The following UBE2U variants were observed in gnomAD, a reference collection of about 807,000 sequenced individuals.
UBE2U encodes ubiquitin conjugating enzyme E2 U, also known as ubiquitin-conjugating enzyme E2 U.
UBE2U carries 39 observed loss-of-function variants against 41.2 expected under a neutral mutation model. The ratio of observed to expected loss-of-function variants is 0.95; its 90% CI spans 0.73 to 1.24. UBE2U has a LOEUF of 1.24. UBE2U is among the 50% of genes most tolerant of loss of function. The probability of loss-of-function intolerance (pLI) is 0.00; values close to 1 mark genes in which losing one functional copy is unlikely to be tolerated. For missense variants in UBE2U, 336 were observed against 363.1 expected (o/e 0.93, Z 0.61); for synonymous variants, 107 against 117.8 (o/e 0.91, Z 0.60).
chr1:64,252,979 C>A (rs1489363553), intron 8 of UBE2U, among the ~76,000 whole-genome samples: 1 of 152,286 alleles, frequency 6.6e-6, no homozygotes, highest in Admixed American at 6.5e-5. Flanking sequence ...GCTAAAGGAA[C>A]AGGTTGTAAA....
intron 8 of UBE2U, among the ~76,000 whole-genome samples, chr1:64,253,092 CACA>C (rs146989756): frequency 0.047 from 7,115 of 152,184 alleles, 522 homozygotes; most frequent in African/African-American, 0.16. Flanking sequence ...AGCTGAAAAA[CACA>C]ACTTTAGAAC....
At chr1:64,249,111 G>A (rs916670111) in intron 8 of UBE2U, among the ~76,000 whole-genome samples, 1 of 151,754 alleles carries the variant, frequency 6.6e-6, no homozygotes, top group African/African-American at 2.4e-5. Context: ...GGTGGCTCAC[G>A]CCTGTTAGTT....
At chr1:64,234,651 A>G (rs1356414081) in intron 7 of UBE2U, among the ~76,000 whole-genome samples, 1 of 152,188 alleles carries the variant, frequency 6.6e-6, no homozygotes, top group African/African-American at 2.4e-5. Flanking sequence ...CCTCACTCAT[A>G]GGTCAAAACA....
rs776817467 is a variant in UBE2U, at chr1:64,205,762, T to C, written c.148+42T>C. ...CCAATCTATTTTTTAAAAAAGTCTT[T>C]ATACCATTATTAGCCCATCCTCTTT... is the stretch of plus-strand genomic sequence containing the variant. On this transcript the variant is annotated intron_variant, in intron 2 of 9. Coordinates refer to ENST00000371077, the MANE Select transcript of UBE2U (RefSeq NM_001366232.2). 5.3e-6 allele frequency: 8 copies of C among 1,514,002 alleles called. No individual in the cohort carries two copies. The African/African-American group carries it at 5.5e-5, about 10-fold the overall frequency. 93.8% of individuals were successfully genotyped at this position (1,514,002 alleles called of 1,614,324 possible).
chr1:64,203,735 C>A lies in UBE2U; in HGVS notation c.-316C>A. 1 of 267,216 alleles carries A rather than the reference C, an allele frequency of 3.7e-6. No individual in the cohort carries two copies. Among genetic ancestry groups the A allele is most frequent in the Admixed American group, 5.3e-5 (1 of 18,856 alleles). The allele number at this position is 267,216 out of a possible 1,614,324, so 16.6% of individuals were successfully genotyped here. The stretch of plus-strand genomic sequence containing the variant: ...CTCACTCCCACTCACGCGCCGACGA[C>A]ATGGGCTTGTCTCCGTTACTCATCC... On this transcript the variant is annotated 5_prime_UTR_variant, in exon 1 of 10. Transcript: ENST00000371077.
intron 6 of UBE2U, among the ~76,000 whole-genome samples, 187 bp downstream of exon 6, chr1:64,221,094 T>A (rs1214264470): frequency 6.6e-6 from 1 of 152,186 alleles, no homozygotes; most frequent in Non-Finnish European, 1.5e-5. Flanking sequence ...TGAATTAAAA[T>A]TAAATGTAAC....
chr1:64,252,367 C>A (rs1030403741), intron 8 of UBE2U, among the ~76,000 whole-genome samples: 2 of 152,190 alleles, frequency 1.3e-5, no homozygotes, highest in Non-Finnish European at 2.9e-5. Flanking sequence ...GAAGGGTCCC[C>A]CTCAATGCAG....
intron 9 of UBE2U, among the ~76,000 whole-genome samples, chr1:64,261,341 A>G (rs747051286): frequency 3.3e-5 from 5 of 152,168 alleles, no homozygotes; most frequent in African/African-American, 7.2e-5. Context: ...AACAAATCCT[A>G]GTTGCTAAAA....
Position 64,224,494 on chromosome 1 carries a change from G to A in UBE2U, c.506+3587G>A, listed in dbSNP as rs558018708. ...TCCCAGCACTCTGGGAGGCCGAGGC[G>A]GGTGGATCACCTGAGGTCAGCAGTT... On this transcript the variant is annotated intron_variant, in intron 6 of 9. Transcript: ENST00000371077. Among the ~76,000 whole-genome samples, 5 of 152,186 alleles carry A rather than the reference G, an allele frequency of 3.3e-5. No individual in the cohort carries two copies. In the East Asian group the frequency reaches 5.8e-4, roughly 18 times the overall value.
chr1:64,264,388 T>A (rs1645222756), intron 9 of UBE2U, among the ~76,000 whole-genome samples: 1 of 152,196 alleles, frequency 6.6e-6, no homozygotes, highest in African/African-American at 2.4e-5. Context: ...AAATCCAAGG[T>A]GTCTCAGAGA....
At chr1:64,213,830 C>CT (rs1651805105) in intron 4 of UBE2U, among the ~76,000 whole-genome samples, 1 of 152,144 alleles carries the variant, frequency 6.6e-6, no homozygotes, top group African/African-American at 2.4e-5. Flanking sequence ...GATGGTATAG[C>CT]TTAATACATA....
At position 64,244,929 on chromosome 1, in the gene UBE2U, G is replaced by C. The variant is rs911250719; in HGVS notation, c.677+3196G>C. ...AGTATTAGGATTAAATGTGAAGAAA[G>C]TTCATTTTAGAAAAATAAAATTGAG... On this transcript the variant is annotated intron_variant, in intron 8 of 9. Transcript: ENST00000371077. Among the ~76,000 whole-genome samples the C allele has an allele frequency of 2.0e-5, 3 of 152,158 alleles. No individual in the cohort carries two copies. In the East Asian group the frequency reaches 5.8e-4, roughly 29 times the overall value.
chr1:64,206,763 G>A lies in UBE2U; in HGVS notation c.149-1G>A. ...TAAAAATGTTTATTTCTATATTATA[G>A]GTTTAGTCTTCCAACTGACAATACA... is the stretch of plus-strand genomic sequence containing the variant. On this transcript the variant is annotated splice_acceptor_variant, in intron 2 of 9. Transcript: ENST00000371077. LOFTEE classifies it high-confidence loss of function. 6.4e-7 allele frequency: 1 copy of A among 1,558,162 alleles called. No homozygotes were observed. Among genetic ancestry groups the A allele is most frequent in the Non-Finnish European group, 8.8e-7 (1 of 1,134,794 alleles).
intron 3 of UBE2U, among the ~76,000 whole-genome samples, chr1:64,208,971 G>C (rs1440222662): frequency 6.6e-6 from 1 of 152,184 alleles, no homozygotes; most frequent in African/African-American, 2.4e-5. Flanking sequence ...ACATATGGGT[G>C]TGTATACATA....
At chr1:64,227,593 G>A (rs1652962530) in intron 6 of UBE2U, among the ~76,000 whole-genome samples, 2 of 152,094 alleles carry the variant, frequency 1.3e-5, no homozygotes, top group Admixed American at 6.6e-5. Flanking sequence ...TCTGAGGTCG[G>A]GAGTTTGAGA....
At chr1:64,247,338 C>T (rs1419403268) in intron 8 of UBE2U, among the ~76,000 whole-genome samples, 1 of 152,128 alleles carries the variant, frequency 6.6e-6, no homozygotes, top group Non-Finnish European at 1.5e-5. Context: ...CTTCCTCTCT[C>T]CTGAAAAAGC....
intron 6 of UBE2U, 72 bp from the exon 7 acceptor site, chr1:64,232,489 T>C: frequency 9.4e-7 from 1 of 1,066,220 alleles, no homozygotes. Flanking sequence ...GAACAGTCCA[T>C]ATAGCAGTAC....
At chr1:64,220,728 T>C (rs1032415350) in intron 5 of UBE2U, 131 bp from the exon 6 acceptor site, 2 of 722,396 alleles carry the variant, frequency 2.8e-6, no homozygotes, top group Middle Eastern at 3.4e-4. Flanking sequence ...TTTCTTTTGC[T>C]CTCCTTGAGA....
intron 7 of UBE2U, among the ~76,000 whole-genome samples, chr1:64,235,610 C>T (rs1196075339): frequency 6.6e-6 from 1 of 152,064 alleles, no homozygotes; most frequent in Non-Finnish European, 1.5e-5. Context: ...ACATTCTTAG[C>T]ATTAGAAAGA....
Sources: gnomAD v4.1 joint callset for allele counts (sites outside exome capture counted in the v4.1 genomes callset) on GRCh38, gnomAD v4.1.1 for gene constraint, MANE v1.5 for transcripts, NCBI Gene and HGNC (gene_info 2026-07-23, HGNC 2026-07-21) for gene names.